The following C3orf33 variants were observed in gnomAD, a reference collection of about 807,000 sequenced individuals.
The protein encoded by C3orf33 is AP-1 activity suppressor.
Under a neutral mutation model 28.7 loss-of-function variants are expected in C3orf33, and 23 were observed. The observed-to-expected ratio is 0.80, with a 90% CI of 0.58 to 1.13. C3orf33 has a LOEUF of 1.13. C3orf33 is among the 50% of genes most tolerant of loss of function. C3orf33 has a pLI of 0.00. For missense variants in C3orf33, 327 were observed against 353.4 expected (o/e 0.93, Z 0.60); for synonymous variants, 119 against 120.5 (o/e 0.99, Z 0.08).
chr3:155,786,545 G>C (rs1751120761), intron 2 of C3orf33, among the ~76,000 whole-genome samples: 1 of 152,162 alleles, frequency 6.6e-6, no homozygotes, highest in Non-Finnish European at 1.5e-5. Flanking sequence ...CAAAAAACCA[G>C]GCCAGGCACA....
intron 2 of C3orf33, among the ~76,000 whole-genome samples, chr3:155,783,303 T>G (rs985798778): frequency 1.3e-5 from 2 of 151,566 alleles, no homozygotes; most frequent in Admixed American, 6.6e-5. Flanking sequence ...TACAGGCGTG[T>G]GCCACCACAC....
intron 3 of C3orf33, among the ~76,000 whole-genome samples, chr3:155,769,320 A>C (rs1185373969): frequency 5.9e-5 from 9 of 151,372 alleles, no homozygotes; most frequent in Admixed American, 1.3e-4. Context: ...CTCAAAAAAA[A>C]AAAAAAAAAA....
chr3:155,782,528 T>A (rs1750958291), intron 2 of C3orf33, among the ~76,000 whole-genome samples: 2 of 152,160 alleles, frequency 1.3e-5, no homozygotes, highest in South Asian at 4.1e-4. Flanking sequence ...CATAAAAGGA[T>A]CCTTAATAAG....
intron 2 of C3orf33, among the ~76,000 whole-genome samples, chr3:155,792,857 T>A (rs1243910065): frequency 3.9e-5 from 6 of 152,078 alleles, no homozygotes; most frequent in Non-Finnish European, 7.3e-5. Context: ...AAGGGGCTAA[T>A]CTAAGAGTTA....
chr3:155,783,253 C>G (rs1485092255), intron 2 of C3orf33, among the ~76,000 whole-genome samples: 5 of 151,290 alleles, frequency 3.3e-5, no homozygotes, highest in Admixed American at 3.3e-4. Context: ...CTCCTGGGTT[C>G]AAGCAGTTCT....
At chr3:155,788,062 G>A (rs544403763) in intron 2 of C3orf33, among the ~76,000 whole-genome samples, 2 of 151,950 alleles carry the variant, frequency 1.3e-5, no homozygotes, top group Admixed American at 6.6e-5. Context: ...GTGGTGGCGG[G>A]CGCCTGTAGT....
At chr3:155,794,723 A>G (rs2109276806) in intron 2 of C3orf33, among the ~76,000 whole-genome samples, 1 of 152,312 alleles carries the variant, frequency 6.6e-6, no homozygotes, top group African/African-American at 2.4e-5. Flanking sequence ...GCAGAAGAGC[A>G]GCAGTAGCTA....
At position 155,806,180 on chromosome 3, in the gene C3orf33, G is replaced by A. The variant is rs973880269; in HGVS notation, c.73C>T (p.Arg25Trp). Reference sequence around the variant, plus strand: ...TGGTCGTCTGCCCACTGCGAGATCCGAGCCACGACGTTGGGCTCCATTCCG... The same window carrying A: ...TGGTCGTCTGCCCACTGCGAGATCCAAGCCACGACGTTGGGCTCCATTCCG... ...KDGMEPNVVA[R>W]ISQWADDHLR... Residue 25 changes from arginine to tryptophan, a missense_variant, in exon 1 of 5, where the codon CGG becomes TGG. Physicochemically the swap from Arg to Trp is moderately radical, Grantham distance 101. Transcript: ENST00000340171. 1 of 1,498,504 alleles carries A rather than the reference G, an allele frequency of 6.7e-7. No homozygotes were observed. The highest frequency in any genetic ancestry group is 8.9e-7 in the Non-Finnish European group (1 of 1,123,610). 92.8% of individuals were successfully genotyped at this position (1,498,504 alleles called of 1,614,324 possible).
At chr3:155,788,293 A>G (rs766100137) in intron 2 of C3orf33, among the ~76,000 whole-genome samples, 11 of 152,188 alleles carry the variant, frequency 7.2e-5, no homozygotes, top group Admixed American at 3.9e-4. Context: ...ACTGATATAG[A>G]AAAAAACCTT....
intron 2 of C3orf33, among the ~76,000 whole-genome samples, chr3:155,799,212 G>A (rs143595943): frequency 1.2e-3 from 183 of 152,214 alleles, no homozygotes; most frequent in African/African-American, 3.9e-3. Context: ...ACAGTTTGGA[G>A]GCCCCACAAA....
intron 3 of C3orf33, among the ~76,000 whole-genome samples, chr3:155,774,428 T>C (rs181018287): frequency 6.6e-6 from 1 of 152,184 alleles, no homozygotes; most frequent in Admixed American, 6.6e-5. Context: ...GAGGCCAAGA[T>C]ACTCCAAGCA....
intron 2 of C3orf33, among the ~76,000 whole-genome samples, chr3:155,787,591 A>G (rs1220566949): frequency 6.6e-6 from 1 of 151,776 alleles, no homozygotes; most frequent in Non-Finnish European, 1.5e-5. Flanking sequence ...AGCTCAGGCA[A>G]TCCGTCTGCC....
intron 2 of C3orf33, among the ~76,000 whole-genome samples, chr3:155,795,235 C>A (rs1336337640): frequency 6.6e-6 from 1 of 152,146 alleles, no homozygotes; most frequent in East Asian, 1.9e-4. Flanking sequence ...GTGGATAGAC[C>A]ACCTGAGTTC....
chr3:155,801,372 C>A (rs149128542), intron 2 of C3orf33, among the ~76,000 whole-genome samples: 1 of 151,186 alleles, frequency 6.6e-6, no homozygotes, highest in African/African-American at 2.4e-5. Flanking sequence ...GGGTATATAA[C>A]TGAATCTCAA....
intron 2 of C3orf33, among the ~76,000 whole-genome samples, chr3:155,794,828 T>G (rs1657622845): frequency 6.6e-6 from 1 of 152,068 alleles, no homozygotes; most frequent in Admixed American, 6.6e-5. Flanking sequence ...CATTATATAA[T>G]GATAAAGGGG....
At chr3:155,780,386 C>T (rs1475132559) in intron 2 of C3orf33, among the ~76,000 whole-genome samples, 1 of 152,208 alleles carries the variant, frequency 6.6e-6, no homozygotes. Flanking sequence ...GCTGGATGAT[C>T]TTGTGAAAAT....
intron 4 of C3orf33, among the ~76,000 whole-genome samples, chr3:155,766,578 C>G (rs1201090105): frequency 1.3e-5 from 2 of 152,232 alleles, no homozygotes; most frequent in Non-Finnish European, 2.9e-5. Flanking sequence ...TTTATAGTAA[C>G]AAGCATGATG....
chr3:155,763,548 A>AT lies in C3orf33; in HGVS notation c.853dup (p.Ile285AsnfsTer8). The AT allele has an allele frequency of 5.2e-6, 8 of 1,535,606 alleles. No homozygotes were observed. The highest frequency in any genetic ancestry group is 7.0e-6 in the Non-Finnish European group (8 of 1,150,900). ...TTTTCTACGAAAGTTTATGCGACTT[A>AT]TAAGTTCTCTGAACTTCAGTATTAA... On this transcript the variant is annotated frameshift_variant, in exon 5 of 5. Transcript: ENST00000340171. LOFTEE classifies it high-confidence loss of function.
chr3:155,806,000 C>T (rs1751797440), intron 1 of C3orf33, 139 bp downstream of exon 1: 1 of 576,858 alleles, frequency 1.7e-6, no homozygotes, highest in African/African-American at 1.9e-5. Flanking sequence ...GCGATGTCGC[C>T]CTCTCGAGCT....
Sources: allele counts gnomAD v4.1 joint callset (sites outside exome capture counted in the v4.1 genomes callset), GRCh38; gene constraint gnomAD v4.1.1; transcripts MANE v1.5; gene names NCBI Gene and HGNC (gene_info 2026-07-23, HGNC 2026-07-21).